Variants in TSNARE1 observed in about 807,000 individuals in gnomAD.
The protein encoded by TSNARE1 is t-SNARE domain-containing protein 1.
In TSNARE1, 49 loss-of-function variants were observed where a neutral mutation model predicts 62.0. The observed-to-expected ratio is 0.79, with a 90% confidence interval of 0.63 to 1.00. TSNARE1 has a LOEUF of 1.00. TSNARE1 is among the 50% of genes least tolerant of loss of function. The pLI is 0.00. For missense variants in TSNARE1, 755 were observed against 700.1 expected (o/e 1.08, Z -0.88); for synonymous variants, 328 against 294.4 (o/e 1.11, Z -1.17).
chr8:142,398,640 A>G (rs1321578978), intron 1 of TSNARE1, among the ~76,000 whole-genome samples: 1 of 152,230 alleles, frequency 6.6e-6, no homozygotes, highest in Non-Finnish European at 1.5e-5. Flanking sequence ...AGGCCAGGAC[A>G]GCCTGATCCT....
At chr8:142,309,593 C>T (rs1016283109) in intron 9 of TSNARE1, among the ~76,000 whole-genome samples, 1 of 152,184 alleles carries the variant, frequency 6.6e-6, no homozygotes, top group Non-Finnish European at 1.5e-5. Flanking sequence ...TCCTGCATCC[C>T]TACAATAAAG....
Position 142,218,026 on chromosome 8 carries a change from A to G in TSNARE1, c.*12-5713T>C, listed in dbSNP as rs1418877086. On this transcript the variant is annotated intron_variant, in intron 13 of 13. Coordinates refer to ENST00000524325, the MANE Select transcript of TSNARE1 (RefSeq NM_145003.5). ...CAGGGCTCAGTGTGTGGCCAGGATC[A>G]GGGCCCAGTATGTGACCAGGATCAG... is the stretch of plus-strand genomic sequence containing the variant. Among the ~76,000 whole-genome samples, 2 of 113,576 alleles carry G rather than the reference A, an allele frequency of 1.8e-5. 1 individual carries two copies. The highest frequency in any genetic ancestry group is 3.6e-5 in the Non-Finnish European group (2 of 55,004). The allele number at this position is 113,576 out of a possible 152,430, so 74.5% of individuals were successfully genotyped here. A position where few individuals can be genotyped will look rare whatever the true frequency, so the allele number is the denominator to read the frequency against.
intron 10 of TSNARE1, among the ~76,000 whole-genome samples, chr8:142,290,609 C>A (rs1355842576): frequency 1.3e-5 from 2 of 152,242 alleles, no homozygotes; most frequent in African/African-American, 4.8e-5. Flanking sequence ...TGGCAACCAT[C>A]CACCTACAAA....
chr8:142,240,037 G>A (rs999535903), intron 12 of TSNARE1, among the ~76,000 whole-genome samples: 5 of 152,202 alleles, frequency 3.3e-5, no homozygotes, highest in Admixed American at 1.3e-4. Context: ...GATTAAACTC[G>A]CCAATGAAAA....
At chr8:142,267,748 C>T (rs1819213655) in intron 12 of TSNARE1, among the ~76,000 whole-genome samples, 1 of 152,214 alleles carries the variant, frequency 6.6e-6, no homozygotes, top group Admixed American at 6.5e-5. Context: ...TTTCTCATCA[C>T]AGACCCACCA....
At chr8:142,316,170 C>G (rs1281296030) in intron 7 of TSNARE1, among the ~76,000 whole-genome samples, 3 of 148,054 alleles carry the variant, frequency 2.0e-5, no homozygotes, top group African/African-American at 4.8e-5. Flanking sequence ...TCAGGCACAC[C>G]TGAGTCAGAG....
Position 142,338,246 on chromosome 8 carries a change from C to T in TSNARE1, c.745+5720G>A, listed in dbSNP as rs1433055179. Reference sequence around the variant, plus strand: ...CGTCCCCCCACGTCTCACTGCAGGCCCCACTTACCTGCCCGCTGCAGACGA... The same window carrying T: ...CGTCCCCCCACGTCTCACTGCAGGCTCCACTTACCTGCCCGCTGCAGACGA... On this transcript the variant is annotated intron_variant, in intron 4 of 13. Transcript: ENST00000524325. 2.0e-5 allele frequency among the ~76,000 whole-genome samples: 3 copies of T among 152,252 alleles called. No individual in the cohort carries two copies. The East Asian group carries it at 5.8e-4, about 29-fold the overall frequency.
At chr8:142,377,798 G>A (rs1490090531) in intron 1 of TSNARE1, among the ~76,000 whole-genome samples, 1 of 152,156 alleles carries the variant, frequency 6.6e-6, no homozygotes, top group African/African-American at 2.4e-5. Flanking sequence ...ACCAGAAGCT[G>A]GAAGCACTGG....
intron 1 of TSNARE1, among the ~76,000 whole-genome samples, chr8:142,382,157 G>A (rs1309620787): frequency 2.0e-5 from 3 of 152,124 alleles, no homozygotes; most frequent in Admixed American, 6.5e-5. Context: ...GTGTGCTCAT[G>A]TGTGCGACAG....
At chr8:142,362,484 G>A (rs897949787) in intron 1 of TSNARE1, among the ~76,000 whole-genome samples, 7 of 152,192 alleles carry the variant, frequency 4.6e-5, no homozygotes, top group African/African-American at 1.7e-4. Flanking sequence ...GTCACTCACA[G>A]GGGAGTCTGT....
rs1353830039 is a variant in TSNARE1, at chr8:142,278,579, G to A, written c.1364-3716C>T. 9.1e-6 allele frequency: 9 copies of A among 985,328 alleles called. No homozygotes were observed. The African/African-American group carries it at 1.4e-4, about 15-fold the overall frequency. 61.0% of individuals were successfully genotyped at this position (985,328 alleles called of 1,614,324 possible). A position where few individuals can be genotyped will look rare whatever the true frequency, so the allele number is the denominator to read the frequency against. ...GAGGAGGAGAGGAGGTGCGGTGGGA[G>A]GAGGCACGGAGGCGGCAGGAGGAAG... On this transcript the variant is annotated intron_variant, in intron 11 of 13. Transcript: ENST00000524325.
chr8:142,238,930 G>T (rs1371534425), intron 12 of TSNARE1, among the ~76,000 whole-genome samples: 1 of 152,288 alleles, frequency 6.6e-6, no homozygotes, highest in East Asian at 1.9e-4. Flanking sequence ...TCACCAGCCA[G>T]GGGAGGTGTT....
chr8:142,357,012 C>G (rs532925672), intron 1 of TSNARE1, among the ~76,000 whole-genome samples: 1 of 152,090 alleles, frequency 6.6e-6, no homozygotes, highest in South Asian at 2.1e-4. Context: ...CAGCAAAGAG[C>G]TCCAGAGAAG....
chr8:142,261,606 C>T (rs13274119), intron 12 of TSNARE1, among the ~76,000 whole-genome samples: 9 of 152,038 alleles, frequency 5.9e-5, no homozygotes, highest in East Asian at 1.9e-4. Context: ...ATGTTCCTGG[C>T]GGAGGAAAGA....
chr8:142,381,521 C>T (rs762712661), intron 1 of TSNARE1, among the ~76,000 whole-genome samples: 9 of 151,980 alleles, frequency 5.9e-5, no homozygotes, highest in South Asian at 2.1e-4. Context: ...GGCTCAGGGA[C>T]GGTGGCACAG....
chr8:142,276,123 G>A (rs1404979133), intron 11 of TSNARE1: 22 of 985,312 alleles, frequency 2.2e-5, no homozygotes, highest in Non-Finnish European at 2.7e-5. Flanking sequence ...CACCCTGATC[G>A]CCGCATCTGG....
chr8:142,390,528 C>A (rs547717882), intron 1 of TSNARE1, among the ~76,000 whole-genome samples: 2 of 72,352 alleles, frequency 2.8e-5, no homozygotes, highest in South Asian at 6.2e-4. Flanking sequence ...CTGTAACAGA[C>A]GCTGTACACT....
At chr8:142,230,631 A>C (rs991884062) in intron 12 of TSNARE1, among the ~76,000 whole-genome samples, 5 of 152,138 alleles carry the variant, frequency 3.3e-5, no homozygotes, top group Non-Finnish European at 7.4e-5. Flanking sequence ...TCAAAACCAG[A>C]AGGTGGAATC....
At chr8:142,355,607 C>A (rs1486055969) in intron 1 of TSNARE1, among the ~76,000 whole-genome samples, 2 of 152,176 alleles carry the variant, frequency 1.3e-5, no homozygotes, top group African/African-American at 4.8e-5. Context: ...CCAGAGCGTC[C>A]TCCCTGTGTG....
Sources: allele counts gnomAD v4.1 joint callset (sites outside exome capture counted in the v4.1 genomes callset), GRCh38; gene constraint gnomAD v4.1.1; transcripts MANE v1.5; gene names NCBI Gene and HGNC (gene_info 2026-07-23, HGNC 2026-07-21).